CDC45: variants seen among roughly 807,000 people sequenced by gnomAD.
CDC45 encodes cell division cycle 45, also known as cell division control protein 45 homolog.
In CDC45, 54 loss-of-function variants were observed where a neutral mutation model predicts 77.8. The ratio of observed to expected loss-of-function variants is 0.69; its 90% CI spans 0.56 to 0.87. CDC45 has a LOEUF of 0.87. Ranked by LOEUF, CDC45 falls within the 40% of genes least tolerant of loss-of-function variation. The pLI, the probability that CDC45 is intolerant of heterozygous loss-of-function variation, is 0.00. For synonymous variants in CDC45, 260 were observed against 272.1 expected (o/e 0.96, Z 0.44); for missense variants, 649 against 721.6 (o/e 0.90, Z 1.15).
rs1185410397 is a variant in CDC45, at chr22:19,479,926, T to C, written c.-43T>C. The C allele has an allele frequency of 4.3e-6, 7 of 1,610,396 alleles. No individual in the cohort carries two copies. The highest frequency in any genetic ancestry group is 3.3e-5 in the Admixed American group (2 of 59,998). On this transcript the variant is annotated 5_prime_UTR_variant, in exon 1 of 19. Coordinates refer to ENST00000263201, the MANE Select transcript of CDC45 (RefSeq NM_003504.5). ...GGGAGTCTTGACCGCCGCCGGGCTC[T>C]TGGTACCTCAGCGCGAGCGCCAGGC...
intron 17 of CDC45, among the ~76,000 whole-genome samples, chr22:19,517,912 T>G (rs1164524430): frequency 6.6e-6 from 1 of 152,204 alleles, no homozygotes; most frequent in Non-Finnish European, 1.5e-5. Flanking sequence ...TTCCTGCACC[T>G]CTGAGAAAGG....
intron 17 of CDC45, among the ~76,000 whole-genome samples, chr22:19,517,438 G>A (rs997109243): frequency 1.3e-5 from 2 of 152,228 alleles, no homozygotes; most frequent in African/African-American, 4.8e-5. Context: ...GCACCAGCAC[G>A]GAACATGGTT....
chr22:19,495,399 C>T (rs13447218), intron 6 of CDC45, among the ~76,000 whole-genome samples: 3 of 152,144 alleles, frequency 2.0e-5, no homozygotes, highest in African/African-American at 2.4e-5. Context: ...TTGCTTTTTC[C>T]TTTGAATTGT....
At chr22:19,491,413 C>T (rs953089651) in intron 5 of CDC45, among the ~76,000 whole-genome samples, 1 of 151,596 alleles carries the variant, frequency 6.6e-6, no homozygotes, top group African/African-American at 2.4e-5. Context: ...CCTTAGTTTT[C>T]CATCTTTGAG....
At position 19,483,826 on chromosome 22, in the gene CDC45, G is replaced by A. The variant is rs376856735; in HGVS notation, c.343-36G>A. 1,425 of 1,590,118 alleles carry A rather than the reference G, an allele frequency of 9.0e-4. 21 individuals carry two copies. In the South Asian group the frequency reaches 0.014, roughly 16 times the overall value. On this transcript the variant is annotated intron_variant, in intron 4 of 18. Transcript: ENST00000263201. The stretch of plus-strand genomic sequence containing the variant: ...CATATTGTATAGTTTTCCGTAGAAA[G>A]AGGAGAGGCTTAATTCCTTTTTGTT...
At chr22:19,499,321 G>A (rs2090299069) in intron 9 of CDC45, among the ~76,000 whole-genome samples, 170 bp downstream of exon 9, 1 of 152,158 alleles carries the variant, frequency 6.6e-6, no homozygotes, top group African/African-American at 2.4e-5. Context: ...AGGGCTAACT[G>A]AGTACCAGCC....
chr22:19,505,609 G>T, intron 10 of CDC45, 128 bp downstream of exon 10: 1 of 1,014,046 alleles, frequency 9.9e-7, no homozygotes, highest in Non-Finnish European at 1.5e-6. Flanking sequence ...AGGAAGTTTT[G>T]GGGGAAGGGG....
intron 13 of CDC45, among the ~76,000 whole-genome samples, chr22:19,510,862 G>A (rs1408789615): frequency 6.6e-6 from 1 of 152,114 alleles, no homozygotes; most frequent in East Asian, 1.9e-4. Flanking sequence ...TCCATTGGAT[G>A]GATATATTCT....
intron 5 of CDC45, 21 bp downstream of exon 5, chr22:19,484,026 G>T: frequency 6.3e-7 from 1 of 1,581,332 alleles, no homozygotes; most frequent in Non-Finnish European, 8.6e-7. Flanking sequence ...GTCTCTCACA[G>T]CTATCCCAGA....
intron 6 of CDC45, among the ~76,000 whole-genome samples, chr22:19,495,002 G>C (rs974966624): frequency 3.3e-5 from 5 of 152,228 alleles, no homozygotes; most frequent in African/African-American, 1.2e-4. Context: ...AGTGAACTAT[G>C]ATTGTGCCAT....
At chr22:19,495,938 ACTG>A in intron 6 of CDC45, 40 bp from the exon 7 acceptor site, 14 of 1,432,846 alleles carry the variant, frequency 9.8e-6, no homozygotes, top group Non-Finnish European at 1.4e-5. Context: ...GGCTTCCTGT[ACTG>A]CTACTTCCTG....
intron 3 of CDC45, among the ~76,000 whole-genome samples, chr22:19,482,429 G>A (rs2089997585): frequency 6.6e-6 from 1 of 152,246 alleles, no homozygotes; most frequent in African/African-American, 2.4e-5. Flanking sequence ...TTAGTTTCTT[G>A]AGCCTGTCCA....
At chr22:19,495,046 GTC>G (rs1409758325) in intron 6 of CDC45, among the ~76,000 whole-genome samples, 1 of 152,180 alleles carries the variant, frequency 6.6e-6, no homozygotes, top group Non-Finnish European at 1.5e-5. Context: ...GCGAGACCTT[GTC>G]TCTAAAAACA....
chr22:19,516,988 G>A (rs1310759733), intron 17 of CDC45, 95 bp downstream of exon 17: 2 of 1,042,876 alleles, frequency 1.9e-6, no homozygotes, highest in Non-Finnish European at 2.9e-6. Context: ...GGCTGGAGGA[G>A]CCTGGCCAGC....
At chr22:19,495,687 T>G (rs2090229356) in intron 6 of CDC45, among the ~76,000 whole-genome samples, 1 of 152,166 alleles carries the variant, frequency 6.6e-6, no homozygotes, top group African/African-American at 2.4e-5. Context: ...CTGGGTGTAG[T>G]GGCACATGCC....
intron 6 of CDC45, 118 bp downstream of exon 6, chr22:19,494,500 GGGCCAGT>G (rs2090207293): frequency 7.7e-6 from 12 of 1,554,254 alleles, no homozygotes; most frequent in African/African-American, 1.4e-5. Flanking sequence ...TAGAACCTTT[GGGCCAGT>G]GGCTCTGGGA....
At position 19,505,162 on chromosome 22, in the gene CDC45, AC is replaced by A. The variant is rs13447249; in HGVS notation, c.705-193del. ...GGAGGTGGACAAGGCTAGAGACCAC[AC>A]CCCCCCGCTCCATCCAATCATGTTT... On this transcript the variant is annotated intron_variant, in intron 9 of 18. Coordinates refer to ENST00000263201, the MANE Select transcript of CDC45 (RefSeq NM_003504.5). The A allele has an allele frequency of 3.8e-4, 227 of 599,522 alleles. 1 individual carries two copies. The Admixed American group carries it at 6.2e-3, about 16-fold the overall frequency. The allele number at this position is 599,522 out of a possible 1,614,324, so 37.1% of individuals were successfully genotyped here. A position where few individuals can be genotyped will look rare whatever the true frequency, so the allele number is the denominator to read the frequency against.
upstream of CDC45, chr22:19,479,761 G>A (rs2089941837): frequency 1.5e-6 from 1 of 650,308 alleles, no homozygotes; most frequent in Non-Finnish European, 2.8e-6. Context: ...CTTTGGGGGC[G>A]GGCTGGAGTT....
At chr22:19,519,719 C>T (rs769022006) in intron 18 of CDC45, among the ~76,000 whole-genome samples, 8 of 152,252 alleles carry the variant, frequency 5.3e-5, no homozygotes, top group South Asian at 2.1e-4. Flanking sequence ...TCCATCTGTC[C>T]ATCCCTCCAG....
Sources: allele counts gnomAD v4.1 joint callset (sites outside exome capture counted in the v4.1 genomes callset), GRCh38; gene constraint gnomAD v4.1.1; transcripts MANE v1.5; gene names NCBI Gene and HGNC (gene_info 2026-07-23, HGNC 2026-07-21).